The following USH2A variants were observed in gnomAD, a reference collection of about 807,000 sequenced individuals.
USH2A encodes Usher syndrome 2A (autosomal recessive, mild).
In USH2A, 443 loss-of-function variants were observed where a neutral mutation model predicts 538.9. The observed-to-expected ratio is 0.82, with a 90% CI of 0.76 to 0.89. The LOEUF is 0.89. Ranked by LOEUF, USH2A falls within the 40% of genes least tolerant of loss-of-function variation. The pLI is 0.00. For synonymous variants in USH2A, 2,413 were observed against 2,273.5 expected (o/e 1.06, Z -1.75); for missense variants, 6,633 against 6,324.8 (o/e 1.05, Z -1.65).
At chr1:215,938,782 G>T (rs1666566185) in intron 37 of USH2A, among the ~76,000 whole-genome samples, 1 of 152,046 alleles carries the variant, frequency 6.6e-6, no homozygotes, top group South Asian at 2.1e-4. Context: ...GAGCCATTGG[G>T]CTTTAACTGG....
intron 31 of USH2A, among the ~76,000 whole-genome samples, chr1:216,047,324 T>A (rs905955380): frequency 1.3e-5 from 2 of 152,282 alleles, no homozygotes; most frequent in South Asian, 4.1e-4. Flanking sequence ...ATTTAGTGGA[T>A]ACGGAGAAAA....
Position 215,648,540 on chromosome 1 carries a change from C to A in USH2A, c.14570G>T (p.Gly4857Val). 1.2e-6 allele frequency: 2 copies of A among 1,614,148 alleles called. No individual in the cohort carries two copies. Among genetic ancestry groups the A allele is most frequent in the South Asian group, 2.2e-5 (2 of 91,090 alleles). ...CCTGACCCATTACCTGTGAATGACACCATTGGGGAACATGGGGGGACTCCA... is the reference window on the plus strand; with the variant it reads ...CCTGACCCATTACCTGTGAATGACAACATTGGGGAACATGGGGGGACTCCA... ...FRWSPPMFPN[G>V]VIHSYELQFH... The change falls in exon 66 of 72, where the codon GGT becomes GTT. Residue 4857 changes from glycine to valine, a missense_variant. By Grantham distance (109) the Gly-to-Val change is moderately radical. Coordinates refer to ENST00000307340, the MANE Select transcript of USH2A (RefSeq NM_206933.4).
At chr1:216,233,534 C>T (rs1245055932) in intron 13 of USH2A, among the ~76,000 whole-genome samples, 1 of 151,990 alleles carries the variant, frequency 6.6e-6, no homozygotes, top group Non-Finnish European at 1.5e-5. Flanking sequence ...CAGTACACTG[C>T]TTGGCACATA....
At chr1:215,747,889 TGG>T (rs1491017080) in intron 58 of USH2A, among the ~76,000 whole-genome samples, 6,465 of 88,830 alleles carry the variant, frequency 0.073, 455 homozygotes, top group East Asian at 0.31. Flanking sequence ...TTTGTTTGTT[TGG>T]TTTTTTTTTT....
intron 21 of USH2A, among the ~76,000 whole-genome samples, chr1:216,166,335 A>G (rs1193907098): frequency 6.6e-6 from 1 of 152,144 alleles, no homozygotes; most frequent in East Asian, 1.9e-4. Context: ...GGACTAAAAA[A>G]TGGTCTAGAG....
chr1:215,892,247 A>G (rs938371079), intron 40 of USH2A, among the ~76,000 whole-genome samples: 1 of 152,072 alleles, frequency 6.6e-6, no homozygotes, highest in Non-Finnish European at 1.5e-5. Flanking sequence ...AGTCTTCTCT[A>G]CTTGTTTGCT....
chr1:216,174,154 A>G, intron 21 of USH2A: 1 of 984,750 alleles, frequency 1.0e-6, no homozygotes, highest in South Asian at 4.7e-5. Flanking sequence ...TTACTATTTT[A>G]AGTAAAAATA....
chr1:215,699,456 A>G (rs566735278), intron 61 of USH2A, among the ~76,000 whole-genome samples: 113 of 152,246 alleles, frequency 7.4e-4, no homozygotes, highest in Non-Finnish European at 1.3e-3. Context: ...ATGAGCATGG[A>G]ATATTTTTCC....
intron 21 of USH2A, among the ~76,000 whole-genome samples, chr1:216,161,958 T>G (rs2034068211): frequency 6.6e-6 from 1 of 151,998 alleles, no homozygotes; most frequent in Non-Finnish European, 1.5e-5. Context: ...CCTCCCCAGG[T>G]GCTTTTGAAG....
chr1:216,253,791 G>C (rs1009611937), intron 11 of USH2A, among the ~76,000 whole-genome samples: 5 of 152,068 alleles, frequency 3.3e-5, no homozygotes, highest in African/African-American at 1.2e-4. Flanking sequence ...AAAGATTCGG[G>C]GTAAAAGAGG....
intron 23 of USH2A, among the ~76,000 whole-genome samples, chr1:216,088,507 A>AG (rs1462107250): frequency 2.0e-5 from 3 of 152,220 alleles, no homozygotes; most frequent in Non-Finnish European, 4.4e-5. Flanking sequence ...ATACAGGTAC[A>AG]GTGATCATGT....
At chr1:216,174,922 T>TTAA in intron 21 of USH2A, 1 of 1,145,760 alleles carries the variant, frequency 8.7e-7, no homozygotes, top group Non-Finnish European at 1.1e-6. Flanking sequence ...GCAAACTCAT[T>TTAA]TGCTCAGAGA....
chr1:215,682,523 C>G (rs946303639), intron 61 of USH2A, among the ~76,000 whole-genome samples: 5 of 152,050 alleles, frequency 3.3e-5, no homozygotes, highest in African/African-American at 4.8e-5. Context: ...AAAAAAATAA[C>G]AAAACTGATT....
chr1:215,986,902 T>C lies in USH2A; in HGVS notation c.6805+6118A>G, dbSNP rs1315406881. ...GCCAGGACTAGGGCAGTGAAAAAGATACATATGATTCCTGCCCTCATGGGG... is the reference window on the plus strand; with the variant it reads ...GCCAGGACTAGGGCAGTGAAAAAGACACATATGATTCCTGCCCTCATGGGG... On this transcript the variant is annotated intron_variant, in intron 35 of 71. Transcript: ENST00000307340. Among the ~76,000 whole-genome samples, 8 of 152,340 alleles carry C rather than the reference T, an allele frequency of 5.3e-5. No homozygotes were observed. The East Asian group carries it at 7.7e-4, about 15-fold the overall frequency.
intron 4 of USH2A, among the ~76,000 whole-genome samples, chr1:216,328,670 A>T (rs2037784976): frequency 1.3e-5 from 2 of 151,942 alleles, no homozygotes; most frequent in South Asian, 2.1e-4. Flanking sequence ...GGAAACTGGG[A>T]CAGAGTGAGG....
chr1:215,885,312 A>AT (rs760862188), intron 41 of USH2A, among the ~76,000 whole-genome samples: 4 of 152,080 alleles, frequency 2.6e-5, no homozygotes, highest in South Asian at 4.1e-4. Flanking sequence ...CCATCCTTAC[A>AT]TTTTTAAAAT....
In USH2A at chr1:216,064,325, A is replaced by G. The variant is rs562368991; in HGVS notation, c.6049+5776T>C. 1.4e-4 allele frequency among the ~76,000 whole-genome samples: 21 copies of G among 152,246 alleles called. No homozygotes were observed. In the East Asian group the frequency reaches 4.1e-3, roughly 29 times the overall value. On this transcript the variant is annotated intron_variant, in intron 30 of 71. Transcript: ENST00000307340. ...CCTGGACAGGCCACCATACCATCAC[A>G]GGGCATACTCATACACACCTGCACT...
chr1:216,351,138 T>A (rs758266261), intron 4 of USH2A, among the ~76,000 whole-genome samples: 1 of 152,082 alleles, frequency 6.6e-6, no homozygotes, highest in African/African-American at 2.4e-5. Context: ...CAGTGAGTAA[T>A]GCAAATAAAA....
At chr1:216,328,307 C>T (rs775091174) in intron 4 of USH2A, among the ~76,000 whole-genome samples, 2 of 152,052 alleles carry the variant, frequency 1.3e-5, no homozygotes, top group African/African-American at 2.4e-5. Flanking sequence ...AATTAGGTGA[C>T]CTTTCAAGGC....
Sources: allele counts gnomAD v4.1 joint callset (sites outside exome capture counted in the v4.1 genomes callset), GRCh38; gene constraint gnomAD v4.1.1; transcripts MANE v1.5; gene names NCBI Gene and HGNC (gene_info 2026-07-23, HGNC 2026-07-21).